ARHGAP21: variants seen among roughly 807,000 people sequenced by gnomAD.
ARHGAP21 encodes rho GTPase-activating protein 21.
ARHGAP21 carries 38 observed loss-of-function variants against 164.6 expected under a neutral mutation model. The observed-to-expected ratio is 0.23, with a 90% CI of 0.18 to 0.30. The LOEUF is 0.30. Ranked by LOEUF, ARHGAP21 falls within the 10% of genes least tolerant of loss-of-function variation. The pLI is 1.00. For missense variants in ARHGAP21, 1,822 were observed against 2,370.7 expected (o/e 0.77, Z 4.81); for synonymous variants, 766 against 857.9 (o/e 0.89, Z 1.87).
At chr10:24,626,391 G>C (rs1363968889) in intron 7 of ARHGAP21, among the ~76,000 whole-genome samples, 2 of 152,120 alleles carry the variant, frequency 1.3e-5, no homozygotes, top group Non-Finnish European at 2.9e-5. Context: ...GAGATGATTA[G>C]GTCATGAGGG....
intron 9 of ARHGAP21, among the ~76,000 whole-genome samples, chr10:24,619,111 T>G (rs191788359): frequency 2.0e-5 from 3 of 152,368 alleles, no homozygotes; most frequent in Admixed American, 1.3e-4. Flanking sequence ...AATGAAAGGT[T>G]GGTAACTAAT....
chr10:24,593,492 G>A (rs559787701), intron 21 of ARHGAP21, among the ~76,000 whole-genome samples: 10 of 151,958 alleles, frequency 6.6e-5, no homozygotes, highest in African/African-American at 1.4e-4. Context: ...TGTATACACC[G>A]TAATATTTTA....
rs549283705 is a variant in ARHGAP21 at position 24,697,190 on chromosome 10, A to G, written c.63+24647T>C. On this transcript the variant is annotated intron_variant, in intron 2 of 25. Coordinates refer to ENST00000396432, the MANE Select transcript of ARHGAP21 (RefSeq NM_020824.4). ...TGATGACCCAGATGGGGCAAAACTC[A>G]TTAAGCCAAGGGAAACCATCCAGAG... 2.0e-5 allele frequency among the ~76,000 whole-genome samples: 3 copies of G among 152,246 alleles called. No homozygotes were observed. The South Asian group carries it at 6.2e-4, about 32-fold the overall frequency.
intron 2 of ARHGAP21, among the ~76,000 whole-genome samples, chr10:24,681,292 A>C (rs983543544): frequency 6.6e-6 from 1 of 152,250 alleles, no homozygotes; most frequent in Non-Finnish European, 1.5e-5. Context: ...TTACTAAGTC[A>C]TACTTAAATA....
chr10:24,671,401 C>A (rs1457041790), intron 2 of ARHGAP21, among the ~76,000 whole-genome samples: 1 of 152,124 alleles, frequency 6.6e-6, no homozygotes, highest in Non-Finnish European at 1.5e-5. Context: ...TTTTCCCCAC[C>A]CTCACCTGCA....
intron 2 of ARHGAP21, among the ~76,000 whole-genome samples, chr10:24,690,830 A>T (rs1054159622): frequency 2.1e-5 from 3 of 145,392 alleles, no homozygotes; most frequent in Admixed American, 1.4e-4. Context: ...TCCATCTCAA[A>T]AAAAAAAATA....
intron 2 of ARHGAP21, among the ~76,000 whole-genome samples, chr10:24,691,104 C>T (rs2132015803): frequency 6.6e-6 from 1 of 152,202 alleles, no homozygotes; most frequent in South Asian, 2.1e-4. Flanking sequence ...TTAAAATACA[C>T]AGAAACTGAG....
intron 23 of ARHGAP21, 126 bp downstream of exon 23, chr10:24,591,516 G>A: frequency 7.9e-7 from 1 of 1,272,226 alleles, no homozygotes; most frequent in Non-Finnish European, 1.1e-6. Context: ...CAGAAACTGA[G>A]CTAGAGACCT....
chr10:24,722,061 G>A lies in ARHGAP21; in HGVS notation c.-162C>T. 1.4e-6 allele frequency: 1 copy of A among 710,208 alleles called. No homozygotes were observed. The highest frequency in any genetic ancestry group is 2.7e-5 in the East Asian group (1 of 36,810). The allele number at this position is 710,208 out of a possible 1,614,324, so 44.0% of individuals were successfully genotyped here. On this transcript the variant is annotated 5_prime_UTR_variant, in exon 2 of 26. Transcript: ENST00000396432. ...CGTGCCAGGGAATAAAGGTTTTCAGGAAGCGCCTTCAAATGCCTCGCTGAT... is the reference window on the plus strand; with the variant it reads ...CGTGCCAGGGAATAAAGGTTTTCAGAAAGCGCCTTCAAATGCCTCGCTGAT...
chr10:24,670,413 A>ATT lies in ARHGAP21; in HGVS notation c.64-18_64-17dup. On this transcript the variant is annotated splice_polypyrimidine_tract_variant and intron_variant, in intron 2 of 25. Coordinates refer to ENST00000396432, the MANE Select transcript of ARHGAP21 (RefSeq NM_020824.4). ...TTTTTGAGACCTAAAGTGAAAAGAT[A>ATT]TTTAAAAGTTAACTACATAACACAA... is the stretch of plus-strand genomic sequence containing the variant. The ATT allele has an allele frequency of 6.4e-7, 1 of 1,561,476 alleles. No homozygotes were observed. The highest frequency in any genetic ancestry group is 1.2e-5 in the South Asian group (1 of 82,178).
intron 4 of ARHGAP21, among the ~76,000 whole-genome samples, chr10:24,643,947 C>T (rs1416106016): frequency 2.0e-5 from 3 of 152,080 alleles, no homozygotes; most frequent in African/African-American, 4.8e-5. Flanking sequence ...TGACTTCAAG[C>T]GATCCTCCTG....
intron 4 of ARHGAP21, among the ~76,000 whole-genome samples, chr10:24,644,088 C>T (rs533324623): frequency 6.6e-6 from 1 of 152,134 alleles, no homozygotes. Context: ...TCCCAGTTCA[C>T]TCAATTGCTA....
At chr10:24,637,343 A>C (rs1828103538) in intron 4 of ARHGAP21, among the ~76,000 whole-genome samples, 1 of 152,236 alleles carries the variant, frequency 6.6e-6, no homozygotes, top group African/African-American at 2.4e-5. Context: ...GTCTGTGGTC[A>C]ATCTAATATT....
intron 21 of ARHGAP21, among the ~76,000 whole-genome samples, chr10:24,594,585 A>G (rs1229572009): frequency 6.6e-6 from 1 of 151,624 alleles, no homozygotes; most frequent in Non-Finnish European, 1.5e-5. Flanking sequence ...AAAGGAATGA[A>G]AATGACTTAT....
intron 25 of ARHGAP21, among the ~76,000 whole-genome samples, chr10:24,587,514 C>T (rs908926363): frequency 6.6e-6 from 1 of 152,282 alleles, no homozygotes; most frequent in East Asian, 1.9e-4. Flanking sequence ...ATCAAAAATT[C>T]GCTAAGATGA....
intron 4 of ARHGAP21, among the ~76,000 whole-genome samples, chr10:24,652,883 A>G (rs958075415): frequency 2.0e-5 from 3 of 152,222 alleles, no homozygotes; most frequent in African/African-American, 7.2e-5. Flanking sequence ...AATCATATGC[A>G]TACCCATGAC....
At chr10:24,615,479 T>G (rs905459271) in intron 9 of ARHGAP21, among the ~76,000 whole-genome samples, 4 of 152,202 alleles carry the variant, frequency 2.6e-5, no homozygotes, top group Non-Finnish European at 4.4e-5. Flanking sequence ...GAGCTAATAA[T>G]AGTCGGCATA....
At chr10:24,621,509 A>C in intron 8 of ARHGAP21, 140 bp from the exon 9 acceptor site, 1 of 715,876 alleles carries the variant, frequency 1.4e-6, no homozygotes, top group Non-Finnish European at 2.3e-6. Context: ...AACACAACAT[A>C]AGGGTACTCT....
chr10:24,670,306 G>T lies in ARHGAP21; in HGVS notation c.155C>A (p.Thr52Lys). Reference sequence around the variant, plus strand: ...AAAGCCTTGAGATGTTCTTTTCAACGTAACTGTTTTGGGACCTGGCCAGGA... The same window carrying T: ...AAAGCCTTGAGATGTTCTTTTCAACTTAACTGTTTTGGGACCTGGCCAGGA... ...TFSWPGPKTV[T>K]LKRTSQGFGF... is the part of the protein sequence containing the mutation. The change falls in exon 3 of 26, where the codon ACG becomes AAG. Residue 52 changes from threonine to lysine, a missense_variant. Coordinates refer to ENST00000396432, the MANE Select transcript of ARHGAP21 (RefSeq NM_020824.4). The T allele has an allele frequency of 6.2e-7, 1 of 1,609,804 alleles. No individual in the cohort carries two copies. The highest frequency in any genetic ancestry group is 8.5e-7 in the Non-Finnish European group (1 of 1,177,564).
Sources: gnomAD v4.1 joint callset for allele counts (sites outside exome capture counted in the v4.1 genomes callset) on GRCh38, gnomAD v4.1.1 for gene constraint, MANE v1.5 for transcripts, NCBI Gene and HGNC (gene_info 2026-07-23, HGNC 2026-07-21) for gene names.